Variants in KIF6 observed in about 807,000 individuals in gnomAD.
The protein encoded by KIF6 is kinesin-like protein KIF6.
A neutral mutation model predicts 112.7 loss-of-function variants in KIF6; 106 were observed. The ratio of observed to expected loss-of-function variants is 0.94; its 90% CI spans 0.80 to 1.11. The LOEUF is 1.11. Among genes scored for constraint, KIF6 ranks in the 50% least tolerant of loss-of-function variants. The probability of loss-of-function intolerance (pLI) is 0.00; values close to 1 mark genes in which losing one functional copy is unlikely to be tolerated. For synonymous variants in KIF6, 339 were observed against 339.9 expected, an observed-to-expected ratio of 1.00 and a Z score of 0.03; for missense variants, 929 against 964.0, an observed-to-expected ratio of 0.96 and a Z score of 0.48.
chr6:39,486,002 C>T (rs909173872), intron 13 of KIF6, among the ~76,000 whole-genome samples: 1 of 152,088 alleles, frequency 6.6e-6, no homozygotes, highest in Non-Finnish European at 1.5e-5. Flanking sequence ...ATGTGGGATT[C>T]GAATTCAGAC....
chr6:39,601,295 C>T (rs571084786), intron 6 of KIF6, among the ~76,000 whole-genome samples: 2 of 152,216 alleles, frequency 1.3e-5, no homozygotes, highest in East Asian at 3.9e-4. Flanking sequence ...TCCTTTATCT[C>T]TCACTTGGGT....
chr6:39,513,639 T>C (rs1252860387), intron 13 of KIF6, among the ~76,000 whole-genome samples: 5 of 152,198 alleles, frequency 3.3e-5, no homozygotes, highest in Non-Finnish European at 7.3e-5. Context: ...GCATTTAATC[T>C]GGGCTTGGGG....
At chr6:39,493,506 C>T (rs559785069) in intron 13 of KIF6, among the ~76,000 whole-genome samples, 16 of 152,304 alleles carry the variant, frequency 1.1e-4, no homozygotes, top group African/African-American at 3.8e-4. Flanking sequence ...TGATGTTCAA[C>T]AGAATCAGGA....
intron 16 of KIF6, 29 bp downstream of exon 16, chr6:39,385,593 C>T (rs1346299095): frequency 6.3e-7 from 1 of 1,585,692 alleles, no homozygotes; most frequent in Admixed American, 1.7e-5. Context: ...TACCTTCATC[C>T]TCTTCCTGCA....
At chr6:39,356,671 C>A (rs1479504603) in intron 19 of KIF6, among the ~76,000 whole-genome samples, 1 of 152,220 alleles carries the variant, frequency 6.6e-6, no homozygotes, top group African/African-American at 2.4e-5. Context: ...AGGCCCCACA[C>A]ATACTATCCT....
At chr6:39,652,543 A>C (rs1785535453) in intron 3 of KIF6, among the ~76,000 whole-genome samples, 1 of 151,876 alleles carries the variant, frequency 6.6e-6, no homozygotes, top group Non-Finnish European at 1.5e-5. Flanking sequence ...AAAAAAACAA[A>C]ACAAAACAAA....
chr6:39,666,030 C>T, intron 3 of KIF6, among the ~76,000 whole-genome samples: 1 of 152,140 alleles, frequency 6.6e-6, no homozygotes, highest in East Asian at 1.9e-4. Context: ...CTTCTTCAGG[C>T]AAATGTGGTT....
At chr6:39,715,685 A>C (rs1196080673) in intron 2 of KIF6, among the ~76,000 whole-genome samples, 1 of 152,064 alleles carries the variant, frequency 6.6e-6, no homozygotes, top group Non-Finnish European at 1.5e-5. Flanking sequence ...TATTTTCAGT[A>C]GCGACAGAGT....
intron 7 of KIF6, among the ~76,000 whole-genome samples, chr6:39,591,636 G>C (rs146119703): frequency 7.0e-4 from 107 of 152,278 alleles, no homozygotes; most frequent in African/African-American, 2.5e-3. Flanking sequence ...CTCTCAAGGA[G>C]CTTGAGGAAT....
rs370647915 is a variant in KIF6 at position 39,629,798 on chromosome 6, C to T, written c.509+5051G>A. Among the ~76,000 whole-genome samples the T allele has an allele frequency of 3.9e-3, 593 of 152,134 alleles. 3 individuals are homozygous for T. The highest frequency in any genetic ancestry group is 0.013 in the African/African-American group (532 of 41,538). On this transcript the variant is annotated intron_variant, in intron 5 of 22. Transcript: ENST00000287152. ...TCTGGATTTTCTCCTGTGTTATCTTCTAGAAGACTTATAGTTTTGCATGGT... is the reference window on the plus strand; with the variant it reads ...TCTGGATTTTCTCCTGTGTTATCTTTTAGAAGACTTATAGTTTTGCATGGT...
intron 13 of KIF6, among the ~76,000 whole-genome samples, chr6:39,531,815 T>C (rs1170829866): frequency 6.6e-6 from 1 of 152,114 alleles, no homozygotes. Context: ...ATCATCCCTG[T>C]CCTTTGGCCT....
chr6:39,424,857 C>G (rs1184306008), intron 14 of KIF6, among the ~76,000 whole-genome samples: 1 of 152,208 alleles, frequency 6.6e-6, no homozygotes, highest in Non-Finnish European at 1.5e-5. Flanking sequence ...GAAAGGATCT[C>G]TGCAAGTCAA....
chr6:39,588,703 C>T (rs1437180811), intron 7 of KIF6, among the ~76,000 whole-genome samples: 1 of 152,064 alleles, frequency 6.6e-6, no homozygotes, highest in Admixed American at 6.6e-5. Context: ...TTATTAAGGC[C>T]CCAACATCAA....
chr6:39,657,876 C>A (rs1329807240), intron 3 of KIF6, among the ~76,000 whole-genome samples: 1 of 152,136 alleles, frequency 6.6e-6, no homozygotes, highest in Non-Finnish European at 1.5e-5. Flanking sequence ...TCAGCTATAC[C>A]ACCTTTGTCA....
At position 39,343,473 on chromosome 6, in the gene KIF6, C is replaced by T. The variant is rs1245808385; in HGVS notation, c.2428+236G>A. 1 of 1,475,702 alleles carries T rather than the reference C, an allele frequency of 6.8e-7. No homozygotes were observed. The highest frequency in any genetic ancestry group is 2.8e-5 in the East Asian group (1 of 35,444). 91.4% of individuals were successfully genotyped at this position (1,475,702 alleles called of 1,614,324 possible). A position where few individuals can be genotyped will look rare whatever the true frequency, so the allele number is the denominator to read the frequency against. On this transcript the variant is annotated intron_variant, in intron 22 of 22. Transcript: ENST00000287152. The surrounding 1 kb of genome is among the most constrained non-coding windows in gnomAD (Gnocchi z 4.1). ...AGAGAGCAAGCTCTGCCAAGAGGGA[C>T]AGGAGCACCTGGGCCGCCCACCCAC...
chr6:39,341,297 C>A (rs1763314378), intron 22 of KIF6, among the ~76,000 whole-genome samples: 1 of 152,156 alleles, frequency 6.6e-6, no homozygotes, highest in Non-Finnish European at 1.5e-5. Flanking sequence ...TCCTGCCACA[C>A]TCTACTGGCC....
At chr6:39,650,382 A>C (rs1582367771) in intron 3 of KIF6, among the ~76,000 whole-genome samples, 1 of 152,174 alleles carries the variant, frequency 6.6e-6, no homozygotes, top group African/African-American at 2.4e-5. Context: ...TTTAATGAAG[A>C]AAATGACCCC....
At chr6:39,694,874 A>G (rs921773313) in intron 3 of KIF6, among the ~76,000 whole-genome samples, 1 of 152,186 alleles carries the variant, frequency 6.6e-6, no homozygotes, top group African/African-American at 2.4e-5. Context: ...AATCCTAAGC[A>G]AAAAGAATAA....
intron 13 of KIF6, among the ~76,000 whole-genome samples, chr6:39,440,912 T>C (rs913549336): frequency 6.6e-6 from 1 of 152,146 alleles, no homozygotes; most frequent in Non-Finnish European, 1.5e-5. Flanking sequence ...CCAGCAGCTT[T>C]GACGATGGAG....
Sources: allele counts gnomAD v4.1 joint callset (sites outside exome capture counted in the v4.1 genomes callset), GRCh38; gene constraint gnomAD v4.1.1; non-coding constraint Gnocchi (gnomAD v3.1); transcripts MANE v1.5; gene names NCBI Gene and HGNC (gene_info 2026-07-23, HGNC 2026-07-21).